SCNN1A: variants seen among roughly 807,000 people sequenced by gnomAD.
The protein encoded by SCNN1A is epithelial sodium channel subunit alpha.
A neutral mutation model predicts 68.6 loss-of-function variants in SCNN1A; 65 were observed. The observed-to-expected ratio is 0.95, with a 90% confidence interval of 0.78 to 1.16. The LOEUF (loss-of-function observed/expected upper bound fraction) is 1.16, where lower values mean the gene tolerates loss of function less well. Ranked by LOEUF, SCNN1A falls within the 50% of genes most tolerant of loss-of-function variation. The probability of loss-of-function intolerance (pLI) is 0.00; values close to 1 mark genes in which losing one functional copy is unlikely to be tolerated. For synonymous variants in SCNN1A, 357 were observed against 353.3 expected (o/e 1.01, Z -0.12); for missense variants, 880 against 865.9 (o/e 1.02, Z -0.20).
At chr12:6,348,350 A>C in intron 12 of SCNN1A, 97 bp from the exon 13 acceptor site, 1 of 1,592,776 alleles carries the variant, frequency 6.3e-7, no homozygotes, top group African/African-American at 1.3e-5. Flanking sequence ...GTCTCCCTTC[A>C]TCCCTGAAGA....
In SCNN1A at chr12:6,363,910, A is replaced by C. The variant is rs373304492; in HGVS notation, c.417-200T>G. Reference sequence around the variant, plus strand: ...TGTGTCCGCCGGGAAGGCGGAGGCCACGGCGAGCCCAGCCGGGACACTGTG... The same window carrying C: ...TGTGTCCGCCGGGAAGGCGGAGGCCCCGGCGAGCCCAGCCGGGACACTGTG... On this transcript the variant is annotated intron_variant, in intron 2 of 12. Transcript: ENST00000228916. 2.0e-3 allele frequency: 809 copies of C among 408,036 alleles called. 6 individuals carry two copies. Among genetic ancestry groups the C allele is most frequent in the African/African-American group, 0.015 (709 of 46,910 alleles). 25.3% of individuals were successfully genotyped at this position (408,036 alleles called of 1,614,324 possible). A position where few individuals can be genotyped will look rare whatever the true frequency, so the allele number is the denominator to read the frequency against.
At chr12:6,358,695 C>T (rs1948535527) in intron 4 of SCNN1A, among the ~76,000 whole-genome samples, 1 of 151,596 alleles carries the variant, frequency 6.6e-6, no homozygotes, top group African/African-American at 2.4e-5. Flanking sequence ...CTAGTCTCTA[C>T]TAAAATTAAA....
chr12:6,349,887 C>G lies in SCNN1A; in HGVS notation c.1361-482G>C, dbSNP rs1948347733. The G allele has an allele frequency of 2.4e-5, 4 of 168,414 alleles. No homozygotes were observed. The South Asian group carries it at 4.7e-4, about 20-fold the overall frequency. 10.4% of individuals were successfully genotyped at this position (168,414 alleles called of 1,614,324 possible). ...GACTACAGGCGCCCGCCACCACGCC[C>G]GGCTAATTTTTCGTATTTTTAGTAG... On this transcript the variant is annotated intron_variant, in intron 8 of 12. Transcript: ENST00000228916.
chr12:6,358,288 TGAG>T (rs1442339855), intron 4 of SCNN1A, among the ~76,000 whole-genome samples: 1 of 152,188 alleles, frequency 6.6e-6, no homozygotes, highest in East Asian at 1.9e-4. Context: ...GACAACAGCA[TGAG>T]GAGGAGGTAG....
At chr12:6,371,946 G>A (rs773600188) in intron 2 of SCNN1A, among the ~76,000 whole-genome samples, 6 of 152,024 alleles carry the variant, frequency 3.9e-5, no homozygotes, top group Non-Finnish European at 5.9e-5. Flanking sequence ...ACAGGCGTGC[G>A]CCACCACACC....
chr12:6,358,774 C>T (rs1244180421), intron 4 of SCNN1A, among the ~76,000 whole-genome samples: 5 of 149,234 alleles, frequency 3.4e-5, no homozygotes, highest in South Asian at 4.2e-4. Context: ...TCAGGAGGAT[C>T]GTTTCAGCCC....
intron 2 of SCNN1A, among the ~76,000 whole-genome samples, chr12:6,370,691 C>T (rs548117791): frequency 1.1e-4 from 17 of 152,314 alleles, no homozygotes; most frequent in African/African-American, 2.9e-4. Flanking sequence ...GCAGGGTCTG[C>T]CCGCCACGTC....
Position 6,347,393 on chromosome 12 carries a change from C to T in SCNN1A, c.*480G>A, listed in dbSNP as rs1411260680. ...GGGGCTTTTGGGTGGGGTTTCCCAC[C>T]CAAGTTCAAGAGGAGGAGCAGACAT... On this transcript the variant is annotated 3_prime_UTR_variant, in exon 13 of 13. Transcript: ENST00000228916. 1 of 164,212 alleles carries T rather than the reference C, an allele frequency of 6.1e-6. No homozygotes were observed. Among genetic ancestry groups the T allele is most frequent in the Non-Finnish European group, 1.3e-5 (1 of 74,578 alleles). 10.2% of individuals were successfully genotyped at this position (164,212 alleles called of 1,614,324 possible).
intron 3 of SCNN1A, among the ~76,000 whole-genome samples, 200 bp from the exon 4 acceptor site, chr12:6,362,441 T>C (rs1052913066): frequency 6.6e-6 from 1 of 151,584 alleles, no homozygotes; most frequent in Non-Finnish European, 1.5e-5. Flanking sequence ...ATTAAGGGAG[T>C]TGCAGGCCAG....
intron 2 of SCNN1A, among the ~76,000 whole-genome samples, chr12:6,373,450 A>G (rs72645119): frequency 6.6e-6 from 1 of 152,338 alleles, no homozygotes; most frequent in African/African-American, 2.4e-5. Flanking sequence ...CTGGCCTTCA[A>G]TAAAGGGCTT....
At chr12:6,361,507 A>T (rs948724212) in intron 4 of SCNN1A, among the ~76,000 whole-genome samples, 1 of 152,206 alleles carries the variant, frequency 6.6e-6, no homozygotes, top group African/African-American at 2.4e-5. Context: ...TGGGAGGCCA[A>T]GGCAGGCAGA....
rs766703985 is a variant in SCNN1A at position 6,372,134 on chromosome 12, A to G, written c.416+2234T>C. ...GCTGGGATTACAGGCGTGAGGCACC[A>G]TGCCCAGCGGTTATTTTTTAATTTA... On this transcript the variant is annotated intron_variant, in intron 2 of 12. Transcript: ENST00000228916. This position sits in a 1 kb window ranked among gnomAD's most constrained non-coding sequence, Gnocchi z 5.8. Among the ~76,000 whole-genome samples, 6 of 152,208 alleles carry G rather than the reference A, an allele frequency of 3.9e-5. No individual in the cohort carries two copies. The highest frequency in any genetic ancestry group is 8.8e-5 in the Non-Finnish European group (6 of 68,028).
At chr12:6,358,319 T>C (rs143315029) in intron 4 of SCNN1A, among the ~76,000 whole-genome samples, 61 of 152,302 alleles carry the variant, frequency 4.0e-4, no homozygotes, top group African/African-American at 1.4e-3. Flanking sequence ...AGAACCTTCA[T>C]ACATTGCTGT....
chr12:6,375,168 TCCAGGA>T, intron 1 of SCNN1A: 1 of 1,457,194 alleles, frequency 6.9e-7, no homozygotes, highest in Non-Finnish European at 9.0e-7. Context: ...GTCTTCTTCC[TCCAGGA>T]TCTGTGTCTC....
At position 6,374,618 on chromosome 12, in the gene SCNN1A, G is replaced by T. The variant is rs778872550; in HGVS notation, c.166C>A (p.Arg56=). The change falls in exon 2 of 13, where the codon CGA becomes AGA. Residue 56 remains arginine, a synonymous_variant. Transcript: ENST00000228916. This position sits in a 1 kb window ranked among gnomAD's most constrained non-coding sequence, Gnocchi z 6.2. The part of the protein sequence containing the change: ...EALIEFHRSY[R]ELFEFFCNNT... ...TTGCAGAAGAACTCGAAGAGCTCTCGGTAGGAGCGGTGGAACTCGATCAGG... is the reference window on the plus strand; with the variant it reads ...TTGCAGAAGAACTCGAAGAGCTCTCTGTAGGAGCGGTGGAACTCGATCAGG... The T allele has an allele frequency of 6.2e-7, 1 of 1,613,838 alleles. No homozygotes were observed. Among genetic ancestry groups the T allele is most frequent in the Non-Finnish European group, 8.5e-7 (1 of 1,179,892 alleles).
intron 8 of SCNN1A, among the ~76,000 whole-genome samples, chr12:6,354,091 C>A (rs192729626): frequency 2.6e-5 from 4 of 151,460 alleles, no homozygotes; most frequent in Admixed American, 2.6e-4. Context: ...ATTAGCTGGG[C>A]GTGGTGGCGG....
intron 2 of SCNN1A, among the ~76,000 whole-genome samples, chr12:6,370,490 T>A (rs1416362891): frequency 6.6e-6 from 1 of 152,194 alleles, no homozygotes; most frequent in Non-Finnish European, 1.5e-5. Context: ...CTTACCCCGG[T>A]GGCCTCCTCT....
chr12:6,371,533 G>T (rs1356803018), intron 2 of SCNN1A, among the ~76,000 whole-genome samples: 39 of 130,766 alleles, frequency 3.0e-4, no homozygotes, highest in African/African-American at 1.1e-3. Flanking sequence ...CGGGGGGGCG[G>T]GGGGTGGGGG....
In SCNN1A at chr12:6,348,206, G is replaced by A. The variant is rs762582819; in HGVS notation, c.1677C>T (p.Phe559=). 1.7e-5 allele frequency: 28 copies of A among 1,614,000 alleles called. No homozygotes were observed. Among genetic ancestry groups the A allele is most frequent in the East Asian group, 2.2e-5 (1 of 44,896 alleles). The change falls in exon 13 of 13, where the codon TTC becomes TTT. Residue 559 remains phenylalanine, a synonymous_variant. Coordinates refer to ENST00000228916, the MANE Select transcript of SCNN1A (RefSeq NM_001038.6). ...SNLGSQWSLW[F]GSSVLSVVEM... is the part of the protein sequence containing the mutation. The stretch of plus-strand genomic sequence containing the variant: ...CCACCACAGACAACACCGAGGAGCC[G>A]AACCACAGGCTCCACTGGCTGCCCA...
Sources: allele counts gnomAD v4.1 joint callset (sites outside exome capture counted in the v4.1 genomes callset), GRCh38; gene constraint gnomAD v4.1.1; non-coding constraint Gnocchi (gnomAD v3.1); transcripts MANE v1.5; gene names NCBI Gene and HGNC (gene_info 2026-07-23, HGNC 2026-07-21).